The following LRMDA variants were observed in gnomAD, a reference collection of about 807,000 sequenced individuals.
LRMDA encodes the protein leucine-rich melanocyte differentiation-associated protein.
A neutral mutation model predicts 29.8 loss-of-function variants in LRMDA; 18 were observed. The ratio of observed to expected loss-of-function variants is 0.60; its 90% confidence interval spans 0.42 to 0.90. The LOEUF (loss-of-function observed/expected upper bound fraction) is 0.90, where lower values mean the gene tolerates loss of function less well. Among genes scored for constraint, LRMDA ranks in the 40% least tolerant of loss-of-function variants. The pLI is 0.00. For missense variants in LRMDA, 273 were observed against 273.9 expected, an observed-to-expected ratio of 1.00 and a Z score of 0.02; for synonymous variants, 125 against 109.4, an observed-to-expected ratio of 1.14 and a Z score of -0.89.
chr10:76,171,833 A>G (rs1850845337), intron 5 of LRMDA, among the ~76,000 whole-genome samples: 1 of 152,278 alleles, frequency 6.6e-6, no homozygotes, highest in East Asian at 1.9e-4. Flanking sequence ...ATATGAAACA[A>G]CAGTGTCTTA....
intron 6 of LRMDA, among the ~76,000 whole-genome samples, chr10:76,326,809 A>G (rs936315586): frequency 6.6e-6 from 1 of 152,242 alleles, no homozygotes. Flanking sequence ...CCGGGCTTAG[A>G]ATAATGATCA....
intron 2 of LRMDA, among the ~76,000 whole-genome samples, chr10:75,583,076 T>G (rs765523818): frequency 6.6e-6 from 1 of 152,206 alleles, no homozygotes; most frequent in Non-Finnish European, 1.5e-5. Flanking sequence ...CACAACAATT[T>G]AACAAGTCTT....
chr10:76,103,160 A>G (rs369532043), intron 5 of LRMDA, among the ~76,000 whole-genome samples: 1 of 152,292 alleles, frequency 6.6e-6, no homozygotes, highest in East Asian at 1.9e-4. Context: ...TCATCTTTCT[A>G]CTAGTTTCAT....
intron 2 of LRMDA, among the ~76,000 whole-genome samples, chr10:75,886,902 C>T (rs1035962165): frequency 3.3e-5 from 5 of 152,084 alleles, no homozygotes; most frequent in Non-Finnish European, 4.4e-5. Context: ...GCCCTTTACT[C>T]CTAGGTTCTT....
chr10:75,658,186 C>T (rs528478528), intron 2 of LRMDA, among the ~76,000 whole-genome samples: 9 of 151,340 alleles, frequency 5.9e-5, no homozygotes, highest in Admixed American at 1.3e-4. Flanking sequence ...CAGTGTAGTC[C>T]GGAGCTGTGT....
intron 2 of LRMDA, among the ~76,000 whole-genome samples, chr10:75,949,785 T>C (rs1209624219): frequency 6.6e-6 from 1 of 152,150 alleles, no homozygotes; most frequent in African/African-American, 2.4e-5. Context: ...AGATGCAACC[T>C]TCTATCTGCA....
intron 2 of LRMDA, among the ~76,000 whole-genome samples, chr10:75,842,728 C>T (rs1844562644): frequency 6.6e-6 from 1 of 151,996 alleles, no homozygotes; most frequent in Non-Finnish European, 1.5e-5. Flanking sequence ...TGGGTCATGG[C>T]CCAAAGAGGT....
At chr10:75,965,008 C>A (rs566410073) in intron 2 of LRMDA, among the ~76,000 whole-genome samples, 1 of 152,152 alleles carries the variant, frequency 6.6e-6, no homozygotes, top group East Asian at 1.9e-4. Context: ...TCAAGTGATC[C>A]ACTCAACTCG....
At position 76,207,686 on chromosome 10, in the gene LRMDA, G is replaced by A. The variant is rs372559541; in HGVS notation, c.517-116715G>A. Among the ~76,000 whole-genome samples, 21 of 151,772 alleles carry A rather than the reference G, an allele frequency of 1.4e-4. No homozygotes were observed. In the East Asian group the frequency reaches 1.9e-3, roughly 14 times the overall value. On this transcript the variant is annotated intron_variant, in intron 5 of 6. Transcript: ENST00000611255. ...CCATAAAATATGCTCACTGGTGGTC[G>A]GGTGTGGTGGCTCATGCCTGTAATC...
At chr10:76,463,904 A>G (rs551776701) in intron 6 of LRMDA, among the ~76,000 whole-genome samples, 1 of 145,086 alleles carries the variant, frequency 6.9e-6, no homozygotes, top group East Asian at 2.0e-4. Context: ...GGCACACAGT[A>G]GGTGCAAAAT....
chr10:75,821,250 A>G (rs1200342237), intron 2 of LRMDA, among the ~76,000 whole-genome samples: 1 of 152,236 alleles, frequency 6.6e-6, no homozygotes, highest in Non-Finnish European at 1.5e-5. Context: ...AAGAACACAG[A>G]TGCAAAAATC....
rs1216815968 is a variant in LRMDA, at chr10:76,498,379, C to T, written c.602-58830C>T. On this transcript the variant is annotated intron_variant, in intron 6 of 6. Coordinates refer to ENST00000611255, the MANE Select transcript of LRMDA (RefSeq NM_001305581.2). ...GAGATCTGAGAGAAGGTAATGTTCA[C>T]TCGGCTTCAGCATTTCTACTTGTAG... is the stretch of plus-strand genomic sequence containing the variant. 2.7e-5 allele frequency among the ~76,000 whole-genome samples: 2 copies of T among 75,206 alleles called. 1 individual carries two copies. The highest frequency in any genetic ancestry group is 2.5e-4 in the Admixed American group (2 of 8,042). The allele number at this position is 75,206 out of a possible 152,430, so 49.3% of individuals were successfully genotyped here.
chr10:76,426,004 T>C (rs1842121769), intron 6 of LRMDA, among the ~76,000 whole-genome samples: 1 of 152,224 alleles, frequency 6.6e-6, no homozygotes, highest in Non-Finnish European at 1.5e-5. Flanking sequence ...TCTATCATTG[T>C]TGGACATTTG....
chr10:75,816,651 TGTAA>T (rs1844066435), intron 2 of LRMDA, among the ~76,000 whole-genome samples: 1 of 152,214 alleles, frequency 6.6e-6, no homozygotes. Flanking sequence ...AACTTCTTAT[TGTAA>T]GTAACAGAAG....
At chr10:75,718,432 A>C (rs1374871503) in intron 2 of LRMDA, among the ~76,000 whole-genome samples, 2 of 152,226 alleles carry the variant, frequency 1.3e-5, no homozygotes, top group Non-Finnish European at 1.5e-5. Context: ...TTCAGTCTAC[A>C]TTCCAGGACC....
intron 2 of LRMDA, among the ~76,000 whole-genome samples, chr10:76,017,764 C>T (rs893186644): frequency 1.3e-5 from 2 of 152,174 alleles, no homozygotes; most frequent in African/African-American, 4.8e-5. Context: ...TGAGGGACAG[C>T]CCATTTGGCA....
chr10:75,449,027 C>G lies in LRMDA; in HGVS notation c.131+10533C>G, dbSNP rs562271902. Among the ~76,000 whole-genome samples, 196 of 152,122 alleles carry G rather than the reference C, an allele frequency of 1.3e-3. 1 individual carries two copies. The highest frequency in any genetic ancestry group is 4.6e-3 in the African/African-American group (189 of 41,514). On this transcript the variant is annotated intron_variant, in intron 2 of 6. Transcript: ENST00000611255. The stretch of plus-strand genomic sequence containing the variant: ...ATTAGCCAGGTGTGGTGGCATGCGC[C>G]TGTAATCCAAGCTACTCGGGAGGCT...
At chr10:76,142,506 C>T (rs1850221536) in intron 5 of LRMDA, among the ~76,000 whole-genome samples, 1 of 102,528 alleles carries the variant, frequency 9.8e-6, no homozygotes, top group African/African-American at 4.0e-5. Context: ...AAAAACAAAG[C>T]TTGTCACGCT....
At chr10:76,234,803 A>G (rs1852122197) in intron 5 of LRMDA, among the ~76,000 whole-genome samples, 1 of 152,226 alleles carries the variant, frequency 6.6e-6, no homozygotes, top group African/African-American at 2.4e-5. Context: ...AGGAGAGTTA[A>G]GGCCTTGCTC....
Sources: gnomAD v4.1 joint callset for allele counts (sites outside exome capture counted in the v4.1 genomes callset) on GRCh38, gnomAD v4.1.1 for gene constraint, MANE v1.5 for transcripts, NCBI Gene and HGNC (gene_info 2026-07-23, HGNC 2026-07-21) for gene names.